Variants in ZNF536 observed in about 807,000 individuals in gnomAD.
ZNF536 encodes the protein zinc finger protein 536.
In ZNF536, 13 loss-of-function variants were observed where a neutral mutation model predicts 84.5. The ratio of observed to expected loss-of-function variants is 0.15; its 90% CI spans 0.10 to 0.24. The LOEUF (loss-of-function observed/expected upper bound fraction) is 0.24, where lower values mean the gene tolerates loss of function less well. Ranked by LOEUF, ZNF536 falls within the 10% of genes least tolerant of loss-of-function variation. ZNF536 has a pLI of 1.00. For synonymous variants in ZNF536, 811 were observed against 742.5 expected, an observed-to-expected ratio of 1.09 and a Z score of -1.50; for missense variants, 1,536 against 1,747.5, an observed-to-expected ratio of 0.88 and a Z score of 2.16.
intron 1 of ZNF536, among the ~76,000 whole-genome samples, chr19:30,613,628 G>GT (rs1171420467): frequency 1.3e-5 from 2 of 152,064 alleles, no homozygotes; most frequent in Non-Finnish European, 2.9e-5. Context: ...CTCAGGAAGT[G>GT]TTTTTTGTTT....
At chr19:30,367,212 C>G (rs1415490861) in intron 3 of ZNF536, among the ~76,000 whole-genome samples, 1 of 152,180 alleles carries the variant, frequency 6.6e-6, no homozygotes, top group Non-Finnish European at 1.5e-5. Context: ...TTGGGACGTT[C>G]CGTGCTGTTC....
At chr19:30,577,109 C>T (rs950052753) in intron 1 of ZNF536, among the ~76,000 whole-genome samples, 4 of 152,176 alleles carry the variant, frequency 2.6e-5, no homozygotes, top group African/African-American at 7.2e-5. Flanking sequence ...AACTCTTCAA[C>T]GATTATTTAT....
chr19:30,375,700 C>A (rs1325596981), intron 1 of ZNF536, among the ~76,000 whole-genome samples: 1 of 152,184 alleles, frequency 6.6e-6, no homozygotes, highest in East Asian at 1.9e-4. Context: ...TGGAATGTGC[C>A]GGCGTGGCAC....
At chr19:30,510,921 T>C (rs543205374) in intron 2 of ZNF536, among the ~76,000 whole-genome samples, 2 of 152,316 alleles carry the variant, frequency 1.3e-5, no homozygotes, top group South Asian at 4.1e-4. Flanking sequence ...TCTGCTGCCA[T>C]GAGTCTGTTG....
rs549517426 is a variant in ZNF536 at position 30,366,050 on chromosome 19, G to A, written c.-3+13566G>A. Among the ~76,000 whole-genome samples the A allele has an allele frequency of 3.5e-3, 531 of 152,218 alleles. 6 individuals are homozygous for A. The highest frequency in any genetic ancestry group is 7.3e-3 in the Admixed American group (112 of 15,284). The stretch of plus-strand genomic sequence containing the variant: ...TATCTAGCTGGGTTCTTGGAATCTA[G>A]TGCAAGGAAGTCACCCCCGCCGAAC... On this transcript the variant is annotated intron_variant, in intron 3 of 5. Coordinates refer to the ZNF536 transcript ENST00000585628.
At chr19:30,515,844 G>A (rs2055616290) in intron 2 of ZNF536, among the ~76,000 whole-genome samples, 1 of 151,834 alleles carries the variant, frequency 6.6e-6, no homozygotes, top group African/African-American at 2.4e-5. Flanking sequence ...TGGCCAACAT[G>A]GTGAAACCCT....
At chr19:30,511,631 C>T (rs1301769133) in intron 2 of ZNF536, among the ~76,000 whole-genome samples, 1 of 152,066 alleles carries the variant, frequency 6.6e-6, no homozygotes, top group Admixed American at 6.6e-5. Context: ...TAAACAGACA[C>T]GTAACTCACC....
chr19:30,281,197 C>G (rs1400933854), intron 1 of ZNF536, among the ~76,000 whole-genome samples: 1 of 152,152 alleles, frequency 6.6e-6, no homozygotes, highest in Non-Finnish European at 1.5e-5. Context: ...TTGGAAGTAC[C>G]TCTGGCTCTA....
At chr19:30,530,315 CCTCT>C (rs1483505115) in intron 2 of ZNF536, among the ~76,000 whole-genome samples, 3 of 146,990 alleles carry the variant, frequency 2.0e-5, no homozygotes, top group African/African-American at 5.0e-5. Context: ...TTTTGTAATA[CCTCT>C]CTCTCTGTCT....
intron 1 of ZNF536, among the ~76,000 whole-genome samples, chr19:30,582,552 G>T (rs1396579132): frequency 6.6e-6 from 1 of 151,620 alleles, no homozygotes; most frequent in Admixed American, 6.6e-5. Context: ...CATTATGCCA[G>T]GCTAATTTTT....
chr19:30,534,736 T>C, intron 2 of ZNF536, 111 bp from the exon 3 acceptor site: 1 of 1,079,258 alleles, frequency 9.3e-7, no homozygotes, highest in Non-Finnish European at 1.3e-6. Flanking sequence ...AAGAATGAAA[T>C]AGACAGGTGT....
In ZNF536 at chr19:30,709,054, G is replaced by A. The variant is rs532485923; in HGVS notation, c.170-1703G>A. 3.3e-5 allele frequency among the ~76,000 whole-genome samples: 5 copies of A among 152,210 alleles called. No individual in the cohort carries two copies. In the South Asian group the frequency reaches 1.0e-3, roughly 32 times the overall value. On this transcript the variant is annotated intron_variant, in intron 1 of 1. Coordinates refer to the ZNF536 transcript ENST00000592773. Reference sequence around the variant, plus strand: ...TCATCAACAGCTTCCCGGAAGCAGGGGAGATGCCATTGCTTCAGAATAACT... The same window carrying A: ...TCATCAACAGCTTCCCGGAAGCAGGAGAGATGCCATTGCTTCAGAATAACT...
chr19:30,241,459 A>G (rs1388841848), intron 1 of ZNF536, among the ~76,000 whole-genome samples: 5 of 152,248 alleles, frequency 3.3e-5, no homozygotes, highest in African/African-American at 9.6e-5. Context: ...CCAGTCGGGC[A>G]GGAAGCCTCA....
chr19:30,473,007 C>CA (rs576152352), intron 2 of ZNF536, among the ~76,000 whole-genome samples: 1 of 139,952 alleles, frequency 7.1e-6, no homozygotes, highest in Non-Finnish European at 1.5e-5. Flanking sequence ...GCCTGGCCAA[C>CA]ATGGTGTAAA....
At chr19:30,275,333 C>A (rs1170268503) in intron 1 of ZNF536, among the ~76,000 whole-genome samples, 1 of 152,206 alleles carries the variant, frequency 6.6e-6, no homozygotes, top group Admixed American at 6.5e-5. Flanking sequence ...GTTCTCCTTC[C>A]TCACCTTGTC....
intron 1 of ZNF536, among the ~76,000 whole-genome samples, chr19:30,280,163 C>T (rs2045389304): frequency 6.6e-6 from 1 of 152,078 alleles, no homozygotes; most frequent in Admixed American, 6.5e-5. Context: ...GCCTCACCTC[C>T]ATCCTTCCAT....
chr19:30,590,193 C>A (rs1383046320), intron 1 of ZNF536, among the ~76,000 whole-genome samples: 1 of 152,146 alleles, frequency 6.6e-6, no homozygotes, highest in Non-Finnish European at 1.5e-5. Flanking sequence ...GAGCCTTGAC[C>A]CCCTCAGTGG....
chr19:30,249,679 C>T (rs181730996), intron 1 of ZNF536, among the ~76,000 whole-genome samples: 2 of 152,318 alleles, frequency 1.3e-5, no homozygotes, highest in East Asian at 3.9e-4. Context: ...ACCAAAAACC[C>T]ACATTCAGAG....
chr19:30,471,574 C>G (rs548455989), intron 2 of ZNF536, among the ~76,000 whole-genome samples: 1 of 152,336 alleles, frequency 6.6e-6, no homozygotes, highest in South Asian at 2.1e-4. Context: ...GAGAGAAGGC[C>G]TGTGCCAGCT....
Sources: allele counts gnomAD v4.1 joint callset (sites outside exome capture counted in the v4.1 genomes callset), GRCh38; gene constraint gnomAD v4.1.1; transcripts MANE v1.5; gene names NCBI Gene and HGNC (gene_info 2026-07-23, HGNC 2026-07-21).